Variants in KCNN2 observed in about 807,000 individuals in gnomAD.
KCNN2 encodes small conductance calcium-activated potassium channel protein 2.
A neutral mutation model predicts 55.5 loss-of-function variants in KCNN2; 24 were observed. The observed-to-expected ratio is 0.43, with a 90% CI of 0.31 to 0.61. The LOEUF (loss-of-function observed/expected upper bound fraction) is 0.61, where lower values mean the gene tolerates loss of function less well. Ranked by LOEUF, KCNN2 falls within the 20% of genes least tolerant of loss-of-function variation. The pLI is 0.08. For missense variants in KCNN2, 754 were observed against 853.6 expected, an observed-to-expected ratio of 0.88 and a Z score of 1.45; for synonymous variants, 431 against 336.1, an observed-to-expected ratio of 1.28 and a Z score of -3.09.
intron 1 of KCNN2, among the ~76,000 whole-genome samples, chr5:114,213,081 C>A (rs370233262): frequency 1.3e-5 from 2 of 152,026 alleles, no homozygotes; most frequent in South Asian, 4.1e-4. Context: ...ACCACGAAAC[C>A]AATGGAAAAT....
chr5:114,316,476 AG>A (rs1225943280), intron 2 of KCNN2, among the ~76,000 whole-genome samples: 1 of 152,084 alleles, frequency 6.6e-6, no homozygotes, highest in Non-Finnish European at 1.5e-5. Flanking sequence ...CAAAGAAGTT[AG>A]GTATTGTACT....
intron 2 of KCNN2, among the ~76,000 whole-genome samples, chr5:114,401,479 A>G (rs553768963): frequency 1.3e-5 from 2 of 152,334 alleles, no homozygotes; most frequent in East Asian, 3.9e-4. Flanking sequence ...ATAACAAGGA[A>G]GTTTATTTAT....
chr5:114,144,917 G>A (rs923870025), intron 1 of KCNN2, among the ~76,000 whole-genome samples: 7 of 152,038 alleles, frequency 4.6e-5, no homozygotes, highest in Admixed American at 6.6e-5. Context: ...ACCTTTTGAC[G>A]ATTGCCATAG....
At chr5:114,163,216 T>C (rs1243870871) in intron 1 of KCNN2, among the ~76,000 whole-genome samples, 1 of 152,160 alleles carries the variant, frequency 6.6e-6, no homozygotes, top group Non-Finnish European at 1.5e-5. Flanking sequence ...TTTCTAGATG[T>C]AGGATCATGT....
At chr5:114,104,217 G>A (rs1427458965) in intron 1 of KCNN2, among the ~76,000 whole-genome samples, 1 of 152,088 alleles carries the variant, frequency 6.6e-6, no homozygotes, top group African/African-American at 2.4e-5. Context: ...TTTCTAAGAG[G>A]TGTTTATAGT....
chr5:114,089,343 G>A (rs1307682404), intron 1 of KCNN2, among the ~76,000 whole-genome samples: 1 of 152,138 alleles, frequency 6.6e-6, no homozygotes, highest in Non-Finnish European at 1.5e-5. Context: ...TCCCGGCTTA[G>A]TCCTATTCCT....
chr5:114,394,297 C>G (rs1227719038), intron 2 of KCNN2, among the ~76,000 whole-genome samples: 1 of 152,124 alleles, frequency 6.6e-6, no homozygotes, highest in African/African-American at 2.4e-5. Context: ...TTTCCATGAC[C>G]TAAGGCTTGT....
At chr5:114,297,400 T>C (rs1756050436) in intron 2 of KCNN2, among the ~76,000 whole-genome samples, 1 of 152,112 alleles carries the variant, frequency 6.6e-6, no homozygotes, top group Non-Finnish European at 1.5e-5. Context: ...TTCAATATAT[T>C]AATGAAATGA....
chr5:114,373,657 T>TATATAA (rs1175218618), intron 2 of KCNN2, among the ~76,000 whole-genome samples: 1 of 117,644 alleles, frequency 8.5e-6, no homozygotes, highest in African/African-American at 3.0e-5. Flanking sequence ...TATATATATA[T>TATATAA]AAAATTACTT....
At chr5:114,406,758 AT>A (rs1380671523) in intron 3 of KCNN2, among the ~76,000 whole-genome samples, 1 of 152,050 alleles carries the variant, frequency 6.6e-6, no homozygotes, top group East Asian at 1.9e-4. Flanking sequence ...CCTTTTTTGT[AT>A]GCTCAGTAGC....
chr5:114,309,885 G>A (rs1352298915), intron 2 of KCNN2, among the ~76,000 whole-genome samples: 1 of 152,146 alleles, frequency 6.6e-6, no homozygotes, highest in African/African-American at 2.4e-5. Context: ...TGAAGGGATA[G>A]GTTGGATTTT....
At chr5:114,455,856 C>CCTAA (rs1175755961) in intron 3 of KCNN2, among the ~76,000 whole-genome samples, 1 of 152,192 alleles carries the variant, frequency 6.6e-6, no homozygotes, top group Admixed American at 6.5e-5. Flanking sequence ...CATACAAGGT[C>CCTAA]CTAACTCTCT....
At chr5:114,142,793 A>T (rs1309513325) in intron 1 of KCNN2, among the ~76,000 whole-genome samples, 1 of 152,220 alleles carries the variant, frequency 6.6e-6, no homozygotes, top group African/African-American at 2.4e-5. Flanking sequence ...ATACTGCCCA[A>T]TGTAATTTAT....
At chr5:114,333,019 T>C (rs748009405) in intron 2 of KCNN2, among the ~76,000 whole-genome samples, 1 of 152,220 alleles carries the variant, frequency 6.6e-6, no homozygotes, top group Non-Finnish European at 1.5e-5. Context: ...CTAGGCCTTG[T>C]TAACCTTAGT....
At chr5:114,412,945 G>C (rs1409394916) in intron 3 of KCNN2, among the ~76,000 whole-genome samples, 1 of 152,174 alleles carries the variant, frequency 6.6e-6, no homozygotes, top group African/African-American at 2.4e-5. Context: ...TAAACTCTAA[G>C]TATTTCATCA....
At chr5:114,169,157 T>G (rs947135269) in intron 1 of KCNN2, among the ~76,000 whole-genome samples, 10 of 152,264 alleles carry the variant, frequency 6.6e-5, no homozygotes, top group Admixed American at 2.6e-4. Context: ...CTGTACAGCC[T>G]GCAGAACTGT....
intron 2 of KCNN2, among the ~76,000 whole-genome samples, chr5:114,316,840 T>C (rs1229619804): frequency 6.6e-6 from 1 of 152,144 alleles, no homozygotes; most frequent in Non-Finnish European, 1.5e-5. Flanking sequence ...TACTCATCTG[T>C]GAATATAAGT....
At chr5:114,121,593 A>C (rs1009121617) in intron 1 of KCNN2, among the ~76,000 whole-genome samples, 1 of 152,118 alleles carries the variant, frequency 6.6e-6, no homozygotes, top group Non-Finnish European at 1.5e-5. Flanking sequence ...AGCTGCTGAC[A>C]ATAAGGAAAG....
At chr5:114,385,152 A>C (rs563349912) in intron 2 of KCNN2, among the ~76,000 whole-genome samples, 1 of 151,898 alleles carries the variant, frequency 6.6e-6, no homozygotes, top group Admixed American at 6.6e-5. Context: ...CAGGCCACCA[A>C]TTTCTCTCTT....
Sources: allele counts gnomAD v4.1 joint callset (sites outside exome capture counted in the v4.1 genomes callset), GRCh38; gene constraint gnomAD v4.1.1; transcripts MANE v1.5; gene names NCBI Gene and HGNC (gene_info 2026-07-23, HGNC 2026-07-21).